ASB9: variants seen among roughly 807,000 people sequenced by gnomAD.
ASB9 encodes ankyrin repeat and SOCS box containing 9.
In ASB9, 5 loss-of-function variants were observed where a neutral mutation model predicts 16.6. The observed-to-expected ratio is 0.30, with a 90% CI of 0.16 to 0.63. ASB9 has a LOEUF of 0.63. Among genes scored for constraint, ASB9 ranks in the 30% least tolerant of loss-of-function variants. ASB9 has a pLI of 0.82. For missense variants in ASB9, 216 were observed against 229.4 expected (o/e 0.94, Z 0.38); for synonymous variants, 100 against 86.4 (o/e 1.16, Z -0.87).
chrX:15,266,066 G>A (rs182087713), intron 1 of ASB9, among the ~76,000 whole-genome samples: 314 of 111,209 alleles, frequency 2.8e-3, no homozygotes, highest in African/African-American at 9.5e-3. Context: ...GCCTCCCAAA[G>A]TGCTGGGATT....
chrX:15,255,899 T>C (rs1925493141), intron 2 of ASB9, among the ~76,000 whole-genome samples: 1 of 111,931 alleles, frequency 8.9e-6, no homozygotes, highest in African/African-American at 3.2e-5. Context: ...AAGTATTTAG[T>C]AACACACAGG....
At position 15,269,855 on chromosome X, in the gene ASB9, C is replaced by T. The variant is rs1926842510; in HGVS notation, c.20G>A (p.Gly7Asp). The T allele has an allele frequency of 4.2e-6, 5 of 1,204,470 alleles. No individual in the cohort carries two copies. In the East Asian group the frequency reaches 9.0e-5, roughly 22 times the overall value. Residue 7 changes from glycine to aspartate, a missense_variant, in exon 1 of 7, where the codon GGC (glycine) becomes GAC (aspartate). Coordinates refer to ENST00000380488, the MANE Select transcript of ASB9 (RefSeq NM_001031739.3). Reference protein sequence around the residue: MDGKQGGMDGSKPAGPR... With the variant: MDGKQGDMDGSKPAGPR... ...CCCCGCGGGCTTGCTCCCATCCATG[C>T]CCCCTTGTTTGCCATCCATGATGCT...
chrX:15,270,081 T>TACACACACGC lies in ASB9; in HGVS notation c.-208_-207insGCGTGTGTGT. On this transcript the variant is annotated 5_prime_UTR_variant, in exon 1 of 7. Transcript: ENST00000380488. ...GATCAGAGAGAGGCATGCGCTCGTGTACACACACACACACACACACACACA... is the reference window on the plus strand; with the variant it reads ...GATCAGAGAGAGGCATGCGCTCGTGTACACACACGCACACACACACACACACACACACACA... 3.4e-6 allele frequency: 1 copy of TACACACACGC among 296,674 alleles called. No homozygotes were observed. Among genetic ancestry groups the TACACACACGC allele is most frequent in the East Asian group, 5.9e-5 (1 of 16,938 alleles). 24.4% of individuals were successfully genotyped at this position (296,674 alleles called of 1,213,427 possible). A position where few individuals can be genotyped will look rare whatever the true frequency, so the allele number is the denominator to read the frequency against.
intron 1 of ASB9, among the ~76,000 whole-genome samples, chrX:15,267,415 A>ATATATATAT (rs1303441346): frequency 5.6e-4 from 27 of 48,284 alleles, no homozygotes; most frequent in African/African-American, 1.9e-3. Context: ...ATCTAAAAAA[A>ATATATATAT]AAATATATAT....
chrX:15,267,441 T>C (rs1251673901), intron 1 of ASB9, among the ~76,000 whole-genome samples: 1 of 60,366 alleles, frequency 1.7e-5, no homozygotes, highest in East Asian at 6.1e-4. Context: ...TATAATTATA[T>C]ATATAATTCC....
intron 3 of ASB9, among the ~76,000 whole-genome samples, chrX:15,253,398 C>A (rs967045182): frequency 5.4e-5 from 6 of 110,825 alleles, no homozygotes; most frequent in African/African-American, 2.0e-4. Context: ...TCGAGACCAA[C>A]CTGGGCAACA....
chrX:15,268,429 T>C (rs886939302), intron 1 of ASB9, among the ~76,000 whole-genome samples: 5 of 104,199 alleles, frequency 4.8e-5, no homozygotes, highest in Non-Finnish European at 9.9e-5. Flanking sequence ...GGTATATATT[T>C]TTTTCTTTTT....
intron 6 of ASB9, 68 bp from the exon 7 acceptor site, chrX:15,244,698 A>AC (rs1924517054): frequency 9.7e-7 from 1 of 1,034,329 alleles, no homozygotes; most frequent in African/African-American, 1.9e-5. Context: ...TTTTTAAAAA[A>AC]AAAAAGCATC....
intron 3 of ASB9, 105 bp from the exon 4 acceptor site, chrX:15,252,509 T>G: frequency 1.3e-6 from 1 of 784,099 alleles, no homozygotes; most frequent in Non-Finnish European, 1.8e-6. Context: ...GAGCCTTAAA[T>G]TCCTCAGCTA....
intron 1 of ASB9, among the ~76,000 whole-genome samples, chrX:15,259,673 T>G (rs967979595): frequency 2.7e-5 from 3 of 112,088 alleles, no homozygotes; most frequent in African/African-American, 9.7e-5. Context: ...ACATACAGGT[T>G]GAGCATCCTT....
intron 2 of ASB9, among the ~76,000 whole-genome samples, chrX:15,255,741 A>G (rs369209942): frequency 2.1e-4 from 23 of 112,095 alleles, no homozygotes; most frequent in African/African-American, 7.5e-4. Context: ...AAGTGGCTCT[A>G]CCTTGTGAGA....
At chrX:15,256,611 A>G (rs1925567681) in intron 2 of ASB9, among the ~76,000 whole-genome samples, 1 of 105,621 alleles carries the variant, frequency 9.5e-6, no homozygotes, top group Admixed American at 1.0e-4. Context: ...CCCCATCTCT[A>G]CTAAAAATAC....
Position 15,252,248 on chromosome X carries a change from A to C in ASB9, c.433+6T>G. ...GGGTAGAAAAAAAAATTCTCAACAG[A>C]TTTACCTCTCCTAGCAGCTTCATGG... On this transcript the variant is annotated splice_donor_region_variant and intron_variant, in intron 4 of 6. Coordinates refer to ENST00000380488, the MANE Select transcript of ASB9 (RefSeq NM_001031739.3). 8.4e-7 allele frequency: 1 copy of C among 1,193,303 alleles called. No homozygotes were observed. Among genetic ancestry groups the C allele is most frequent in the Non-Finnish European group, 1.1e-6 (1 of 887,768 alleles).
In ASB9 at chrX:15,269,842, G is replaced by T. The variant is rs1926841520; in HGVS notation, c.33C>A (p.Ser11Arg). The change falls in exon 1 of 7, where the codon AGC (serine) becomes AGA (arginine). Residue 11 changes from serine to arginine, a missense_variant. Physicochemically the swap from Ser to Arg is moderately radical, Grantham distance 110. Transcript: ENST00000380488. MDGKQGGMDG[S>R]KPAGPRDFPG... ...GAAAGTCCCTTGGCCCCGCGGGCTT[G>T]CTCCCATCCATGCCCCCTTGTTTGC... The T allele has an allele frequency of 8.3e-7, 1 of 1,207,137 alleles. No individual in the cohort carries two copies. The highest frequency in any genetic ancestry group is 1.7e-5 in the African/African-American group (1 of 57,713).
At chrX:15,253,944 C>G (rs773946266) in intron 3 of ASB9, among the ~76,000 whole-genome samples, 1 of 111,990 alleles carries the variant, frequency 8.9e-6, no homozygotes, top group South Asian at 3.7e-4. Flanking sequence ...TTTTTGGAGT[C>G]ACACAAATAG....
intron 2 of ASB9, among the ~76,000 whole-genome samples, chrX:15,257,458 G>C (rs761667144): frequency 4.8e-4 from 53 of 111,002 alleles, no homozygotes; most frequent in Non-Finnish European, 9.0e-4. Flanking sequence ...CAGCATTTAG[G>C]TGTTTATACA....
Position 15,244,530 on chromosome X carries a change from C to T in ASB9, c.861G>A (p.Leu287=). 1.7e-6 allele frequency: 2 copies of T among 1,197,706 alleles called. No individual in the cohort carries two copies. Among genetic ancestry groups the T allele is most frequent in the Non-Finnish European group, 2.3e-6 (2 of 883,256 alleles). ...TTTAAAGATGTAGGAGAAACTGTTT[C>T]AGATCCTCTGGGAGGACGAGTTTGG... ...KITKLVLPED[L]KQFLLHL is the part of the protein sequence containing the mutation. Residue 287 remains leucine (L), a synonymous_variant, in exon 7 of 7, where the codon CTG becomes CTA. Coordinates refer to ENST00000380488, the MANE Select transcript of ASB9 (RefSeq NM_001031739.3).
intron 2 of ASB9, among the ~76,000 whole-genome samples, chrX:15,256,419 G>A (rs765165341): frequency 1.5e-4 from 14 of 96,346 alleles, no homozygotes; most frequent in African/African-American, 4.2e-4. Flanking sequence ...CTGGGTTCAC[G>A]CCACTCTCCT....
At chrX:15,265,493 TG>T (rs1177864018) in intron 1 of ASB9, among the ~76,000 whole-genome samples, 4 of 112,180 alleles carry the variant, frequency 3.6e-5, no homozygotes, top group Non-Finnish European at 5.6e-5. Context: ...TCGATCCAAA[TG>T]TAAGTTTCAT....
Sources: allele counts gnomAD v4.1 joint callset (sites outside exome capture counted in the v4.1 genomes callset), GRCh38; gene constraint gnomAD v4.1.1; transcripts MANE v1.5; gene names NCBI Gene and HGNC (gene_info 2026-07-23, HGNC 2026-07-21).